The following AGAP1 variants were observed in gnomAD, a reference collection of about 807,000 sequenced individuals.
The protein encoded by AGAP1 is ArfGAP with GTPase domain, ankyrin repeat and PH domain 1, also known as arf-GAP with GTPase, ANK repeat and PH domain-containing protein 1.
A neutral mutation model predicts 105.3 loss-of-function variants in AGAP1; 29 were observed. That is an observed-to-expected ratio of 0.28 (90% confidence interval 0.21 to 0.38). AGAP1 has a LOEUF of 0.38. Among genes scored for constraint, AGAP1 ranks in the 10% least tolerant of loss-of-function variants. AGAP1 has a pLI of 1.00. For synonymous variants in AGAP1, 509 were observed against 485.9 expected, an observed-to-expected ratio of 1.05 and a Z score of -0.63; for missense variants, 998 against 1,165.1, an observed-to-expected ratio of 0.86 and a Z score of 2.09.
intron 1 of AGAP1, among the ~76,000 whole-genome samples, chr2:235,497,536 G>T (rs1400193092): frequency 6.6e-6 from 1 of 152,216 alleles, no homozygotes; most frequent in East Asian, 1.9e-4. Flanking sequence ...CCCTTCCTCT[G>T]TATGTGCATA....
chr2:235,817,833 GTGGGCTGCGATCGCA>G (rs1163814291), intron 9 of AGAP1, among the ~76,000 whole-genome samples: 2 of 152,204 alleles, frequency 1.3e-5, no homozygotes, highest in Non-Finnish European at 2.9e-5. Context: ...GGAGGTTGCA[GTGGGCTGCGATCGCA>G]CCACTGCACT....
chr2:235,677,873 G>GTT (rs1299125035), intron 1 of AGAP1, among the ~76,000 whole-genome samples: 1 of 114,986 alleles, frequency 8.7e-6, no homozygotes, highest in Non-Finnish European at 1.7e-5. Flanking sequence ...TATTTATCCA[G>GTT]TTTCTGCCTT....
rs1415987295 is a variant in AGAP1, at chr2:235,725,225, C to G, written c.310+7581C>G. 6.6e-6 allele frequency among the ~76,000 whole-genome samples: 1 copy of G among 152,210 alleles called. No homozygotes were observed. The highest frequency in any genetic ancestry group is 1.9e-4 in the East Asian group (1 of 5,194). ...TTAGCCTTGCCACCCTCCTTCAGGA[C>G]TGCCTAGAATTGTTTCCTGTCATCG... On this transcript the variant is annotated intron_variant, in intron 3 of 17. Transcript: ENST00000304032. This position sits in a 1 kb window ranked among gnomAD's most constrained non-coding sequence, Gnocchi z 5.7.
At chr2:235,749,165 G>A (rs1057262283) in intron 5 of AGAP1, among the ~76,000 whole-genome samples, 3 of 151,618 alleles carry the variant, frequency 2.0e-5, no homozygotes, top group Non-Finnish European at 4.4e-5. Flanking sequence ...GCCAGCTCAC[G>A]CCACTGTACT....
At chr2:236,064,553 G>T (rs761450191) in intron 16 of AGAP1, among the ~76,000 whole-genome samples, 3 of 152,210 alleles carry the variant, frequency 2.0e-5, no homozygotes, top group Non-Finnish European at 4.4e-5. Context: ...CTGAGATCGT[G>T]CCACTGCACT....
At chr2:236,030,970 T>A (rs1351213051) in intron 13 of AGAP1, among the ~76,000 whole-genome samples, 1 of 152,142 alleles carries the variant, frequency 6.6e-6, no homozygotes, top group African/African-American at 2.4e-5. Flanking sequence ...GATTTTGAGA[T>A]TTTATGATTA....
Position 235,939,619 on chromosome 2 carries a change from A to T in AGAP1, c.1483+8696A>T, listed in dbSNP as rs575850045. 7.9e-5 allele frequency among the ~76,000 whole-genome samples: 12 copies of T among 151,450 alleles called. No homozygotes were observed. In the East Asian group the frequency reaches 2.2e-3, roughly 27 times the overall value. ...CCCACATTCTCTTCAACCCTCTCCC[A>T]TGTGTCATCAGCCCAGCACCCTCCA... is the stretch of plus-strand genomic sequence containing the variant. On this transcript the variant is annotated intron_variant, in intron 12 of 17. Coordinates refer to ENST00000304032, the MANE Select transcript of AGAP1 (RefSeq NM_001037131.3).
At position 235,642,402 on chromosome 2, in the gene AGAP1, G is replaced by A. The variant is rs1947227715; in HGVS notation, c.164-66777G>A. 6.6e-6 allele frequency among the ~76,000 whole-genome samples: 1 copy of A among 152,198 alleles called. No homozygotes were observed. The highest frequency in any genetic ancestry group is 1.9e-4 in the East Asian group (1 of 5,192). On this transcript the variant is annotated intron_variant, in intron 1 of 17. Coordinates refer to ENST00000304032, the MANE Select transcript of AGAP1 (RefSeq NM_001037131.3). The surrounding 1 kb of genome is among the most constrained non-coding windows in gnomAD (Gnocchi z 4.1). ...TGTGACTGAGGAAAACCTGGCTTAGGGATTTATCTGCAGGGACTGTCCCCA... is the reference window on the plus strand; with the variant it reads ...TGTGACTGAGGAAAACCTGGCTTAGAGATTTATCTGCAGGGACTGTCCCCA...
intron 6 of AGAP1, chr2:235,776,808 C>G (rs917572771): frequency 2.3e-6 from 1 of 443,982 alleles, no homozygotes; most frequent in Middle Eastern, 7.7e-4. Flanking sequence ...TGAGCGAAAA[C>G]CTGCCCGTCC....
intron 11 of AGAP1, among the ~76,000 whole-genome samples, chr2:235,912,400 T>A (rs2051661714): frequency 6.6e-6 from 1 of 152,212 alleles, no homozygotes; most frequent in Non-Finnish European, 1.5e-5. Flanking sequence ...ATTAGAGAGC[T>A]GTTTTTGCCA....
At chr2:235,956,314 A>C (rs964120262) in intron 12 of AGAP1, among the ~76,000 whole-genome samples, 2 of 152,206 alleles carry the variant, frequency 1.3e-5, no homozygotes, top group African/African-American at 4.8e-5. Context: ...CATTCAGCTA[A>C]AAATCAGCTA....
rs1016056353 is a variant in AGAP1, at chr2:236,116,005, A to G, written c.2115-4187A>G. Among the ~76,000 whole-genome samples, 4 of 152,086 alleles carry G rather than the reference A, an allele frequency of 2.6e-5. No homozygotes were observed. In the East Asian group the frequency reaches 5.8e-4, roughly 22 times the overall value. The stretch of plus-strand genomic sequence containing the variant: ...TTTTTAGTAGAGACGGGTTTTCACT[A>G]TGTTGGCCAGGCTGGTCTCAAACTC... On this transcript the variant is annotated intron_variant, in intron 16 of 17. Transcript: ENST00000304032.
rs1378143233 is a variant in AGAP1, at chr2:235,552,599, G to GC, written c.163+57751dup. 2.6e-5 allele frequency among the ~76,000 whole-genome samples: 4 copies of GC among 152,192 alleles called. No homozygotes were observed. The highest frequency in any genetic ancestry group is 5.9e-5 in the Non-Finnish European group (4 of 68,040). On this transcript the variant is annotated intron_variant, in intron 1 of 17. Transcript: ENST00000304032. This position sits in a 1 kb window ranked among gnomAD's most constrained non-coding sequence, Gnocchi z 5.9. Reference sequence around the variant, plus strand: ...GGGGGATGCTGCTCCCATTGGCCAGGCACTGGGGATGCGGCGTATGGGCAG... The same window carrying GC: ...GGGGGATGCTGCTCCCATTGGCCAGGCCACTGGGGATGCGGCGTATGGGCAG...
intron 1 of AGAP1, among the ~76,000 whole-genome samples, chr2:235,643,791 A>G (rs1407701703): frequency 6.6e-6 from 1 of 152,146 alleles, no homozygotes; most frequent in Non-Finnish European, 1.5e-5. Flanking sequence ...AACATAGCTT[A>G]GAAATAGATA....
chr2:235,880,497 G>A (rs2049963852), intron 9 of AGAP1, among the ~76,000 whole-genome samples: 1 of 151,832 alleles, frequency 6.6e-6, no homozygotes, highest in African/African-American at 2.4e-5. Flanking sequence ...GAGTGAGGGC[G>A]AGGCGGGTGG....
rs1042416531 is a variant in AGAP1 at position 235,732,351 on chromosome 2, T to G, written c.311-8612T>G. Among the ~76,000 whole-genome samples the G allele has an allele frequency of 2.6e-5, 4 of 152,180 alleles. No homozygotes were observed. Among genetic ancestry groups the G allele is most frequent in the Non-Finnish European group, 2.9e-5 (2 of 68,030 alleles). On this transcript the variant is annotated intron_variant, in intron 3 of 17. Coordinates refer to ENST00000304032, the MANE Select transcript of AGAP1 (RefSeq NM_001037131.3). This position sits in a 1 kb window ranked among gnomAD's most constrained non-coding sequence, Gnocchi z 4.8. ...AGCCTTGTCTCTTCTGCTCCTTACT[T>G]TTTCTAATTTTATTCATCAGTTCCC...
At chr2:235,984,337 A>T (rs1350830367) in intron 13 of AGAP1, among the ~76,000 whole-genome samples, 1 of 152,086 alleles carries the variant, frequency 6.6e-6, no homozygotes, top group Non-Finnish European at 1.5e-5. Flanking sequence ...GTTATGAAGG[A>T]TGCTGCGTGA....
chr2:236,033,868 G>A (rs188438699), intron 13 of AGAP1, among the ~76,000 whole-genome samples: 5 of 152,322 alleles, frequency 3.3e-5, no homozygotes, highest in East Asian at 1.9e-4. Context: ...AAATTTAACC[G>A]GGAAGCTAAT....
rs1297963846 is a variant in AGAP1 at position 235,628,205 on chromosome 2, T to C, written c.164-80974T>C. The stretch of plus-strand genomic sequence containing the variant: ...CCAGCCCCCAGCACACGTCAGGCAC[T>C]GTCTGGGCACCTGTGCATTGCTGCC... On this transcript the variant is annotated intron_variant, in intron 1 of 17. Coordinates refer to ENST00000304032, the MANE Select transcript of AGAP1 (RefSeq NM_001037131.3). Among the ~76,000 whole-genome samples the C allele has an allele frequency of 2.0e-5, 3 of 152,166 alleles. No individual in the cohort carries two copies. In the East Asian group the frequency reaches 5.8e-4, roughly 29 times the overall value.
Sources: allele counts gnomAD v4.1 joint callset (sites outside exome capture counted in the v4.1 genomes callset), GRCh38; gene constraint gnomAD v4.1.1; non-coding constraint Gnocchi (gnomAD v3.1); transcripts MANE v1.5; gene names NCBI Gene and HGNC (gene_info 2026-07-23, HGNC 2026-07-21).